The following SYBU variants were observed in gnomAD, a reference collection of about 807,000 sequenced individuals.
The protein encoded by SYBU is syntabulin.
In SYBU, 21 loss-of-function variants were observed where a neutral mutation model predicts 35.9. The observed-to-expected ratio is 0.58, with a 90% confidence interval of 0.41 to 0.84. The LOEUF (loss-of-function observed/expected upper bound fraction) is 0.84. Ranked by LOEUF, SYBU falls within the 40% of genes least tolerant of loss-of-function variation. The probability of loss-of-function intolerance (pLI) is 0.00; values close to 1 mark genes in which losing one functional copy is unlikely to be tolerated. For synonymous variants in SYBU, 319 were observed against 324.3 expected (o/e 0.98, Z 0.18); for missense variants, 768 against 848.2 (o/e 0.91, Z 1.17).
intron 1 of SYBU, 173 bp from the exon 2 acceptor site, chr8:109,643,105 G>A: frequency 7.4e-7 from 1 of 1,359,972 alleles, no homozygotes; most frequent in East Asian, 2.8e-5. Flanking sequence ...CTCTTCCAAT[G>A]AGTTAACCTT....
chr8:109,618,150 C>T (rs1289359753), intron 3 of SYBU, among the ~76,000 whole-genome samples: 2 of 152,158 alleles, frequency 1.3e-5, no homozygotes, highest in African/African-American at 4.8e-5. Context: ...CTCCCAATGA[C>T]GATGAACACA....
At chr8:109,641,484 A>G (rs2130628833) in intron 2 of SYBU, among the ~76,000 whole-genome samples, 1 of 152,370 alleles carries the variant, frequency 6.6e-6, no homozygotes, top group Non-Finnish European at 1.5e-5. Flanking sequence ...TAAGGAGGTT[A>G]AGCAACTTGC....
intron 3 of SYBU, among the ~76,000 whole-genome samples, chr8:109,608,883 T>G (rs1810870609): frequency 6.6e-6 from 1 of 152,232 alleles, no homozygotes; most frequent in African/African-American, 2.4e-5. Context: ...AGATAGAGGA[T>G]GTGCATGTTT....
chr8:109,675,932 T>G (rs1461288997), intron 1 of SYBU, among the ~76,000 whole-genome samples: 1 of 152,232 alleles, frequency 6.6e-6, no homozygotes, highest in African/African-American at 2.4e-5. Flanking sequence ...ATTGAAAAGC[T>G]TATCCACCAT....
intron 1 of SYBU, among the ~76,000 whole-genome samples, chr8:109,678,096 T>C: frequency 8.0e-6 from 1 of 125,500 alleles, no homozygotes; most frequent in East Asian, 2.4e-4. Flanking sequence ...ATCGCGCCAT[T>C]GCACTCCAGC....
At chr8:109,652,100 C>T (rs1284387838) in intron 1 of SYBU, among the ~76,000 whole-genome samples, 1 of 152,184 alleles carries the variant, frequency 6.6e-6, no homozygotes, top group Non-Finnish European at 1.5e-5. Context: ...TGATTGCTGC[C>T]TCAAGTGTCC....
chr8:109,689,187 A>G (rs1477118036), intron 1 of SYBU, among the ~76,000 whole-genome samples: 1 of 152,222 alleles, frequency 6.6e-6, no homozygotes. Flanking sequence ...TTGTAAAGAT[A>G]GTACAGAGAG....
intron 2 of SYBU, among the ~76,000 whole-genome samples, chr8:109,629,438 C>T (rs1052636602): frequency 2.0e-5 from 3 of 152,138 alleles, no homozygotes; most frequent in African/African-American, 7.2e-5. Context: ...AGGGGTCATA[C>T]AAAACTGGCA....
chr8:109,628,229 G>A (rs1813186854), intron 2 of SYBU, among the ~76,000 whole-genome samples: 1 of 152,298 alleles, frequency 6.6e-6, no homozygotes, highest in South Asian at 2.1e-4. Flanking sequence ...TTTGGGGCCA[G>A]GTGTGGTAGT....
At chr8:109,685,817 A>C (rs567332937), upstream of SYBU, among the ~76,000 whole-genome samples, 7 of 152,230 alleles carry the variant, frequency 4.6e-5, no homozygotes, top group Non-Finnish European at 1.0e-4. Flanking sequence ...ATCTATTGTA[A>C]TAAAAGTCAG....
At chr8:109,614,535 T>G (rs1216387675) in intron 3 of SYBU, among the ~76,000 whole-genome samples, 2 of 152,212 alleles carry the variant, frequency 1.3e-5, no homozygotes, top group Non-Finnish European at 2.9e-5. Context: ...ACAAGCTCCC[T>G]AAAAGCAGGG....
chr8:109,665,565 G>A (rs56838167), intron 1 of SYBU, among the ~76,000 whole-genome samples: 18,413 of 152,084 alleles, frequency 0.12, 3,168 homozygotes, highest in African/African-American at 0.38. Context: ...ATAGGGTAAA[G>A]GTGAAAAGCT....
At chr8:109,592,032 T>G (rs1824339480) in intron 3 of SYBU, among the ~76,000 whole-genome samples, 1 of 151,870 alleles carries the variant, frequency 6.6e-6, no homozygotes, top group Non-Finnish European at 1.5e-5. Flanking sequence ...TGCTAAAAGA[T>G]TATGGAAATT....
At chr8:109,657,615 C>A (rs946644022) in intron 1 of SYBU, among the ~76,000 whole-genome samples, 3 of 152,210 alleles carry the variant, frequency 2.0e-5, no homozygotes, top group Non-Finnish European at 2.9e-5. Context: ...GAAATGACTG[C>A]AGAATACAAA....
intron 1 of SYBU, among the ~76,000 whole-genome samples, chr8:109,654,862 C>G (rs1816290873): frequency 6.6e-6 from 1 of 152,182 alleles, no homozygotes; most frequent in Non-Finnish European, 1.5e-5. Context: ...GAACCTAAGT[C>G]CTATCTGTTC....
At chr8:109,600,533 G>A (rs1366440635) in intron 3 of SYBU, among the ~76,000 whole-genome samples, 2 of 152,070 alleles carry the variant, frequency 1.3e-5, no homozygotes, top group Non-Finnish European at 2.9e-5. Context: ...AGGGAAGAAA[G>A]GTACCAAAAG....
chr8:109,640,918 C>T (rs1003830226), intron 2 of SYBU, among the ~76,000 whole-genome samples: 9 of 151,316 alleles, frequency 5.9e-5, no homozygotes, highest in Non-Finnish European at 1.3e-4. Context: ...AAATCCAAAG[C>T]TGCATTTATA....
rs1274390855 is a variant in SYBU, at chr8:109,574,584, A to ACTT, written c.*321_*322insAAG. ...AGCAAGGAGATAACATGCCAGCCTTAGAGAAGCTGTCTTGAAAGTGCAAAC... is the reference window on the plus strand; with the variant it reads ...AGCAAGGAGATAACATGCCAGCCTTACTTGAGAAGCTGTCTTGAAAGTGCAAAC... On this transcript the variant is annotated 3_prime_UTR_variant, in exon 7 of 7. Transcript: ENST00000276646. 4.0e-6 allele frequency: 1 copy of ACTT among 249,954 alleles called. No homozygotes were observed. The highest frequency in any genetic ancestry group is 7.6e-6 in the Non-Finnish European group (1 of 131,542). The allele number at this position is 249,954 out of a possible 1,614,324, so 15.5% of individuals were successfully genotyped here.
At chr8:109,640,776 G>A (rs1586915588) in intron 2 of SYBU, among the ~76,000 whole-genome samples, 1 of 131,478 alleles carries the variant, frequency 7.6e-6, no homozygotes, top group Admixed American at 8.0e-5. Context: ...TCAGAATCAA[G>A]CAGACAATTT....
Sources: gnomAD v4.1 joint callset for allele counts (sites outside exome capture counted in the v4.1 genomes callset) on GRCh38, gnomAD v4.1.1 for gene constraint, MANE v1.5 for transcripts, NCBI Gene and HGNC (gene_info 2026-07-23, HGNC 2026-07-21) for gene names.